The following NRXN3 variants were observed in gnomAD, a reference collection of about 807,000 sequenced individuals.
The protein encoded by NRXN3 is neurexin III.
Under a neutral mutation model 137.6 loss-of-function variants are expected in NRXN3, and 32 were observed. That is an observed-to-expected ratio of 0.23 (90% CI 0.18 to 0.31). NRXN3 has a LOEUF of 0.31. Among genes scored for constraint, NRXN3 ranks in the 10% least tolerant of loss-of-function variants. The pLI, the probability that NRXN3 is intolerant of heterozygous loss-of-function variation, is 1.00. For missense variants in NRXN3, 1,574 were observed against 2,062.5 expected (o/e 0.76, Z 4.59); for synonymous variants, 798 against 784.5 (o/e 1.02, Z -0.29).
At chr14:78,230,713 A>G (rs748901166) in intron 1 of NRXN3, among the ~76,000 whole-genome samples, 3 of 152,192 alleles carry the variant, frequency 2.0e-5, no homozygotes, top group Non-Finnish European at 4.4e-5. Context: ...CCAAGGAGGT[A>G]GCATGGCTGG....
intron 14 of NRXN3, among the ~76,000 whole-genome samples, chr14:78,983,478 T>A (rs1230058889): frequency 4.6e-5 from 7 of 152,058 alleles, no homozygotes; most frequent in Admixed American, 4.6e-4. Context: ...TTGATTGGGG[T>A]ATTTGTTTTC....
intron 16 of NRXN3, among the ~76,000 whole-genome samples, chr14:79,652,473 G>A (rs755637193): frequency 2.0e-5 from 3 of 152,128 alleles, no homozygotes; most frequent in Non-Finnish European, 4.4e-5. Context: ...GGGGAACAAT[G>A]ACCTCATGCT....
intron 10 of NRXN3, among the ~76,000 whole-genome samples, chr14:78,818,150 T>C (rs2098939863): frequency 6.6e-6 from 1 of 151,730 alleles, no homozygotes; most frequent in Admixed American, 6.6e-5. Context: ...GGTTTAGATA[T>C]ATAAAGTTAG....
At chr14:79,572,787 G>A (rs1322800653) in intron 16 of NRXN3, 1 of 152,198 alleles carries the variant, frequency 6.6e-6, no homozygotes, top group Admixed American at 6.5e-5. Context: ...CAAAGACAAG[G>A]TGTAGCATAG....
chr14:79,710,813 CAA>C (rs915101791), intron 19 of NRXN3, among the ~76,000 whole-genome samples: 4 of 152,180 alleles, frequency 2.6e-5, no homozygotes, highest in African/African-American at 9.7e-5. Flanking sequence ...TTCTATTCCA[CAA>C]ACATTGGGTG....
chr14:78,952,983 G>A (rs1249090210), intron 10 of NRXN3, among the ~76,000 whole-genome samples: 2 of 152,158 alleles, frequency 1.3e-5, no homozygotes, highest in Non-Finnish European at 2.9e-5. Context: ...TAGTTGGTTT[G>A]GCCAGGTCTT....
chr14:78,206,054 A>G (rs1595896974), intron 1 of NRXN3, among the ~76,000 whole-genome samples: 1 of 152,308 alleles, frequency 6.6e-6, no homozygotes, highest in East Asian at 1.9e-4. Flanking sequence ...TCACAAAGCA[A>G]ATGTGGAGGC....
intron 16 of NRXN3, among the ~76,000 whole-genome samples, chr14:79,633,540 T>C (rs534366931): frequency 5.9e-4 from 90 of 152,236 alleles, no homozygotes; most frequent in African/African-American, 2.2e-3. Flanking sequence ...GTTTAATGTG[T>C]CACTCAGAAT....
intron 15 of NRXN3, among the ~76,000 whole-genome samples, chr14:79,025,713 G>T (rs1471862666): frequency 2.0e-5 from 3 of 152,090 alleles, no homozygotes; most frequent in Non-Finnish European, 4.4e-5. Flanking sequence ...TACTGAAAAT[G>T]GATTATTTTC....
chr14:79,577,795 G>T (rs1215617951), intron 16 of NRXN3, among the ~76,000 whole-genome samples: 2 of 152,166 alleles, frequency 1.3e-5, no homozygotes, highest in Non-Finnish European at 2.9e-5. Context: ...TAAATTCTTG[G>T]TGTTTACTTT....
chr14:79,109,194 G>C (rs2053024214), intron 15 of NRXN3, among the ~76,000 whole-genome samples: 1 of 152,098 alleles, frequency 6.6e-6, no homozygotes, highest in Non-Finnish European at 1.5e-5. Flanking sequence ...ACTGGCTTCA[G>C]CTAATCCTCA....
intron 4 of NRXN3, among the ~76,000 whole-genome samples, chr14:78,548,377 T>C (rs905209979): frequency 3.3e-5 from 5 of 152,182 alleles, no homozygotes; most frequent in African/African-American, 1.2e-4. Flanking sequence ...TCATTTCCCA[T>C]GACTTGGACA....
In NRXN3 at chr14:79,617,930, A is replaced by AAAAAAAAAAAAAAAG. The variant is rs1385000688; in HGVS notation, c.3445-45846_3445-45845insAAAAAAAAAAAAGAA. On this transcript the variant is annotated intron_variant, in intron 16 of 20. Coordinates refer to ENST00000335750, the MANE Select transcript of NRXN3 (RefSeq NM_001330195.2). ...GCTGAATAGCAGCAAAAAAAAAAAA[A>AAAAAAAAAAAAAAAG]AACATGCTTATGAAGAGCTGCCTAG... Among the ~76,000 whole-genome samples the AAAAAAAAAAAAAAAG allele has an allele frequency of 6.9e-3, 1,026 of 148,652 alleles. 33 individuals are homozygous for AAAAAAAAAAAAAAAG. Among genetic ancestry groups the AAAAAAAAAAAAAAAG allele is most frequent in the African/African-American group, 0.024 (936 of 38,510 alleles).
intron 4 of NRXN3, among the ~76,000 whole-genome samples, chr14:78,539,681 C>T (rs181424807): frequency 1.7e-3 from 263 of 152,016 alleles, no homozygotes; most frequent in Non-Finnish European, 2.9e-3. Context: ...TTGTTTCTGT[C>T]GTTCTTTTAA....
intron 4 of NRXN3, among the ~76,000 whole-genome samples, chr14:78,411,955 T>C (rs183491771): frequency 8.3e-4 from 126 of 152,348 alleles, no homozygotes; most frequent in African/African-American, 2.9e-3. Flanking sequence ...ACCCTTATCA[T>C]TGCTAATGGT....
rs569855024 is a variant in NRXN3 at position 79,365,725 on chromosome 14, C to CAAAAAAA, written c.3263-101483_3263-101477dup. Reference sequence around the variant, plus strand: ...TGGGCGACAGAGCGAGACTCTGTCTCAAAAAAAAAAAAAAAAAAAGAAAAA... The same window carrying CAAAAAAA: ...TGGGCGACAGAGCGAGACTCTGTCTCAAAAAAAAAAAAAAAAAAAAAAAAAAGAAAAA... On this transcript the variant is annotated intron_variant, in intron 15 of 20. Transcript: ENST00000335750. 4.7e-3 allele frequency among the ~76,000 whole-genome samples: 198 copies of CAAAAAAA among 42,182 alleles called. 1 individual carries two copies. The highest frequency in any genetic ancestry group is 5.0e-3 in the Non-Finnish European group (119 of 23,912). The allele number at this position is 42,182 out of a possible 152,430, so 27.7% of individuals were successfully genotyped here.
At chr14:78,708,117 G>C (rs7140803) in intron 6 of NRXN3, among the ~76,000 whole-genome samples, 1 of 151,932 alleles carries the variant, frequency 6.6e-6, no homozygotes, top group South Asian at 2.1e-4. Context: ...TTCTTTAAGG[G>C]ATCTCCACAC....
intron 19 of NRXN3, among the ~76,000 whole-genome samples, chr14:79,777,856 G>T (rs1172646902): frequency 6.6e-6 from 1 of 150,958 alleles, no homozygotes; most frequent in Non-Finnish European, 1.5e-5. Flanking sequence ...AAGGTCAATA[G>T]AATTCAGAAG....
chr14:78,498,284 T>C (rs112295532), intron 4 of NRXN3, among the ~76,000 whole-genome samples: 4,187 of 152,236 alleles, frequency 0.028, 83 homozygotes, highest in Non-Finnish European at 0.036. Context: ...CAGAGGGAGA[T>C]GATCCTCCGG....
Sources: gnomAD v4.1 joint callset for allele counts (sites outside exome capture counted in the v4.1 genomes callset) on GRCh38, gnomAD v4.1.1 for gene constraint, MANE v1.5 for transcripts, NCBI Gene and HGNC (gene_info 2026-07-23, HGNC 2026-07-21) for gene names.